LHCGR: variants seen among roughly 807,000 people sequenced by gnomAD.
LHCGR encodes lutropin-choriogonadotropic hormone receptor.
In LHCGR, 55 loss-of-function variants were observed where a neutral mutation model predicts 60.7. The ratio of observed to expected loss-of-function variants is 0.91; its 90% CI spans 0.73 to 1.13. The LOEUF is 1.13. Ranked by LOEUF, LHCGR falls within the 50% of genes most tolerant of loss-of-function variation. The pLI, the probability that LHCGR is intolerant of heterozygous loss-of-function variation, is 0.00. For synonymous variants in LHCGR, 337 were observed against 316.5 expected (o/e 1.06, Z -0.69); for missense variants, 862 against 836.0 (o/e 1.03, Z -0.38).
chr2:48,700,445 C>T (rs1286953720), intron 8 of LHCGR, among the ~76,000 whole-genome samples: 2 of 152,102 alleles, frequency 1.3e-5, no homozygotes, highest in Non-Finnish European at 2.9e-5. Context: ...AGGTCTGGTG[C>T]TAGTGTTTTG....
At chr2:48,717,833 C>CTTTTTTTTTTTTTTTTTTTTTTTTTTTT (rs10711529) in intron 6 of LHCGR, among the ~76,000 whole-genome samples, 2 of 68,976 alleles carry the variant, frequency 2.9e-5, no homozygotes, top group Non-Finnish European at 5.3e-5. Flanking sequence ...TTTTCCATGT[C>CTTTTTTTTTTTTTTTTTTTTTTTTTTTT]TTTTTTTTTT....
At chr2:48,712,995 T>G (rs1012606398) in intron 7 of LHCGR, among the ~76,000 whole-genome samples, 6 of 152,110 alleles carry the variant, frequency 3.9e-5, no homozygotes, top group African/African-American at 1.4e-4. Context: ...TGTACAGAAT[T>G]TTGCTACCCA....
At chr2:48,739,277 A>G (rs1344524001) in intron 1 of LHCGR, among the ~76,000 whole-genome samples, 2 of 152,252 alleles carry the variant, frequency 1.3e-5, no homozygotes, top group African/African-American at 2.4e-5. Flanking sequence ...ATCTAGAACT[A>G]GAAATACCAT....
chr2:48,687,202 G>C lies in LHCGR; in HGVS notation c.*495C>G, dbSNP rs1212457157. 2 of 159,758 alleles carry C rather than the reference G, an allele frequency of 1.3e-5. No individual in the cohort carries two copies. The highest frequency in any genetic ancestry group is 2.8e-5 in the Non-Finnish European group (2 of 72,582). 9.9% of individuals were successfully genotyped at this position (159,758 alleles called of 1,614,324 possible). A position where few individuals can be genotyped will look rare whatever the true frequency, so the allele number is the denominator to read the frequency against. The stretch of plus-strand genomic sequence containing the variant: ...CTTGAAACGTGGCTAGTGCAACTGA[G>C]AAACTACATTTCTCATTTTATTTAA... On this transcript the variant is annotated 3_prime_UTR_variant, in exon 11 of 11. Transcript: ENST00000294954.
chr2:48,723,539 G>A lies in LHCGR; in HGVS notation c.459-6C>T. On this transcript the variant is annotated splice_polypyrimidine_tract_variant and splice_region_variant and intron_variant, in intron 5 of 10. Transcript: ENST00000294954. ...GTAAGTTATCACAAATTTCCCTTGA[G>A]GAAAGAAATGAGAAATATTTACTTT... 6.2e-7 allele frequency: 1 copy of A among 1,611,318 alleles called. No homozygotes were observed. Among genetic ancestry groups the A allele is most frequent in the Non-Finnish European group, 8.5e-7 (1 of 1,177,546 alleles).
chr2:48,729,331 T>C (rs939572140), intron 2 of LHCGR, 104 bp from the exon 3 acceptor site: 4 of 856,382 alleles, frequency 4.7e-6, no homozygotes, highest in African/African-American at 1.7e-5. Context: ...GGGACACCAC[T>C]GTGTCCCCCT....
chr2:48,730,615 A>G (rs1042784056), intron 2 of LHCGR, among the ~76,000 whole-genome samples: 1 of 152,154 alleles, frequency 6.6e-6, no homozygotes, highest in African/African-American at 2.4e-5. Context: ...ATTAAGAAAG[A>G]TGCTGGAATA....
chr2:48,701,205 G>T (rs1342436948), intron 8 of LHCGR, among the ~76,000 whole-genome samples: 1 of 152,148 alleles, frequency 6.6e-6, no homozygotes, highest in Non-Finnish European at 1.5e-5. Flanking sequence ...AGAGCCATGA[G>T]TTGATCTTGG....
chr2:48,743,852 G>A (rs1156432757), intron 1 of LHCGR, among the ~76,000 whole-genome samples: 1 of 150,922 alleles, frequency 6.6e-6, no homozygotes. Context: ...AGGGCAATTA[G>A]GCAGGAGAAG....
intron 2 of LHCGR, among the ~76,000 whole-genome samples, chr2:48,730,533 C>T (rs1572874106): frequency 6.6e-6 from 1 of 152,142 alleles, no homozygotes; most frequent in Non-Finnish European, 1.5e-5. Flanking sequence ...CTTCCAAAGT[C>T]CAGTGGATTG....
intron 1 of LHCGR, among the ~76,000 whole-genome samples, chr2:48,732,560 CAA>C (rs1401490438): frequency 6.6e-6 from 1 of 152,088 alleles, no homozygotes; most frequent in Non-Finnish European, 1.5e-5. Context: ...AATTGGGTCA[CAA>C]AGAGACTAAG....
chr2:48,739,849 G>T (rs1031738839), intron 1 of LHCGR, among the ~76,000 whole-genome samples: 1 of 152,118 alleles, frequency 6.6e-6, no homozygotes, highest in Non-Finnish European at 1.5e-5. Context: ...AAAGATGGCC[G>T]AATAGGAACA....
Position 48,751,178 on chromosome 2 carries a change from A to G in LHCGR, c.161+4333T>C, listed in dbSNP as rs147150347. Among the ~76,000 whole-genome samples, 903 of 152,288 alleles carry G rather than the reference A, an allele frequency of 5.9e-3. 11 individuals are homozygous for G. Among genetic ancestry groups the G allele is most frequent in the Non-Finnish European group, 7.9e-3 (537 of 68,014 alleles). ...GAAGTGACTCCTAATCATGGTTTTT[A>G]CTTAATGCCTTTGCAACCAATCATC... On this transcript the variant is annotated intron_variant, in intron 1 of 10. Transcript: ENST00000294954.
At chr2:48,714,770 T>C (rs1449387205) in intron 6 of LHCGR, among the ~76,000 whole-genome samples, 3 of 151,986 alleles carry the variant, frequency 2.0e-5, no homozygotes, top group Non-Finnish European at 4.4e-5. Flanking sequence ...CACACATACA[T>C]GTATACTTCT....
At position 48,687,705 on chromosome 2, in the gene LHCGR, CTG is replaced by C; in HGVS notation, c.2090_2091del (p.Thr697ArgfsTer16). The C allele has an allele frequency of 6.2e-7, 1 of 1,613,192 alleles. No individual in the cohort carries two copies. Among genetic ancestry groups the C allele is most frequent in the Non-Finnish European group, 8.5e-7 (1 of 1,179,234 alleles). On this transcript the variant is annotated frameshift_variant, in exon 11 of 11. Transcript: ENST00000294954. LOFTEE classifies it high-confidence loss of function. ...AGTTACTGATGTAACAGTTAACACT[CTG>C]TGTAGCGAGTCTTGTCTAGGAGAGC... The part of the protein sequence containing the change: ...GTALLDKTRY[T>X]EC
Position 48,708,980 on chromosome 2 carries a change from T to G in LHCGR, c.648A>C (p.Gly216=). Reference sequence around the variant, plus strand: ...TCGGCCCTGTGGCCCCACGGAAGGCTCCATTGTGCATCTTCTCCAGATGTA... The same window carrying G: ...TCGGCCCTGTGGCCCCACGGAAGGCGCCATTGTGCATCTTCTCCAGATGTA... ...ENVHLEKMHN[G]AFRGATGPKT... The change falls in exon 8 of 11, where the codon GGA becomes GGC. Residue 216 remains glycine, a synonymous_variant. Coordinates refer to ENST00000294954, the MANE Select transcript of LHCGR (RefSeq NM_000233.4). The G allele has an allele frequency of 6.2e-7, 1 of 1,614,178 alleles. No individual in the cohort carries two copies. Among genetic ancestry groups the G allele is most frequent in the South Asian group, 1.1e-5 (1 of 91,076 alleles).
chr2:48,727,024 C>A (rs891079344), intron 3 of LHCGR, among the ~76,000 whole-genome samples: 2 of 152,154 alleles, frequency 1.3e-5, no homozygotes, highest in African/African-American at 2.4e-5. Flanking sequence ...CCTTTTGATT[C>A]TTCAGATGTG....
At chr2:48,752,356 T>A (rs59165033) in intron 1 of LHCGR, among the ~76,000 whole-genome samples, 2,103 of 152,138 alleles carry the variant, frequency 0.014, 55 homozygotes, top group African/African-American at 0.048. Flanking sequence ...AAGCATAAAT[T>A]AACATCTATT....
chr2:48,699,404 C>T (rs1289655249), intron 8 of LHCGR, among the ~76,000 whole-genome samples: 1 of 152,140 alleles, frequency 6.6e-6, no homozygotes, highest in African/African-American at 2.4e-5. Context: ...CTCTCTTCCT[C>T]CCCACCCTCT....
Sources: gnomAD v4.1 joint callset for allele counts (sites outside exome capture counted in the v4.1 genomes callset) on GRCh38, gnomAD v4.1.1 for gene constraint, MANE v1.5 for transcripts, NCBI Gene and HGNC (gene_info 2026-07-23, HGNC 2026-07-21) for gene names.